The following CLSTN2 variants were observed in gnomAD, a reference collection of about 807,000 sequenced individuals.
CLSTN2 encodes the protein calsyntenin-2.
Under a neutral mutation model 101.2 loss-of-function variants are expected in CLSTN2, and 48 were observed. The ratio of observed to expected loss-of-function variants is 0.47; its 90% confidence interval spans 0.38 to 0.60. The LOEUF is 0.60. CLSTN2 is among the 20% of genes least tolerant of loss of function. The probability of loss-of-function intolerance (pLI) is 0.00; values close to 1 mark genes in which losing one functional copy is unlikely to be tolerated. For missense variants in CLSTN2, 1,160 were observed against 1,238.2 expected (o/e 0.94, Z 0.95); for synonymous variants, 481 against 463.6 (o/e 1.04, Z -0.48).
At chr3:140,367,711 C>T (rs1290756571) in intron 2 of CLSTN2, among the ~76,000 whole-genome samples, 1 of 152,118 alleles carries the variant, frequency 6.6e-6, no homozygotes, top group South Asian at 2.1e-4. Context: ...CACGAGGTCC[C>T]TAATGTTCTT....
At chr3:140,546,728 T>A (rs1378669649) in intron 10 of CLSTN2, 47 bp downstream of exon 10, 38 of 1,516,214 alleles carry the variant, frequency 2.5e-5, no homozygotes, top group Middle Eastern at 2.4e-4. Flanking sequence ...GGATTCATGA[T>A]GCCCAGCCTG....
At chr3:140,382,472 A>G (rs1252133489) in intron 2 of CLSTN2, among the ~76,000 whole-genome samples, 1 of 152,220 alleles carries the variant, frequency 6.6e-6, no homozygotes. Flanking sequence ...GTTAATTTAT[A>G]TTTAAGCAAA....
chr3:140,207,822 G>A (rs546927093), intron 2 of CLSTN2, among the ~76,000 whole-genome samples: 205 of 152,232 alleles, frequency 1.3e-3, no homozygotes, highest in Non-Finnish European at 2.3e-3. Context: ...AGTTAAGAAG[G>A]CACCTGCTTC....
At chr3:140,168,496 C>G (rs56910077) in intron 1 of CLSTN2, among the ~76,000 whole-genome samples, 2,508 of 152,022 alleles carry the variant, frequency 0.016, 72 homozygotes, top group African/African-American at 0.056. Flanking sequence ...AAATAAGAGT[C>G]TATCATTTTT....
chr3:140,564,049 C>G lies in CLSTN2; in HGVS notation c.2571C>G (p.Ile857Met), dbSNP rs766225194. The G allele has an allele frequency of 1.2e-6, 2 of 1,613,960 alleles. No individual in the cohort carries two copies. The highest frequency in any genetic ancestry group is 3.3e-5 in the Admixed American group (2 of 60,004). Reference protein sequence around the residue: ...VVAMGVYRVRIAHQHFIQETE... With the variant: ...VVAMGVYRVRMAHQHFIQETE... ...CCATGGGTGTGTACCGGGTCCGGAT[C>G]GCCCACCAGCACTTCATCCAGGAGA... The change falls in exon 16 of 17, where the codon ATC (isoleucine) becomes ATG (methionine). Residue 857 changes from isoleucine (I) to methionine (M), a missense_variant. Ile to Met is a conservative substitution (Grantham distance 10, BLOSUM62 1). Coordinates refer to ENST00000458420, the MANE Select transcript of CLSTN2 (RefSeq NM_022131.3).
chr3:140,053,262 G>A (rs2008032340), intron 1 of CLSTN2, among the ~76,000 whole-genome samples: 1 of 152,218 alleles, frequency 6.6e-6, no homozygotes, highest in African/African-American at 2.4e-5. Context: ...ATGTGTGTAA[G>A]TGACCTTGGC....
In CLSTN2 at chr3:140,419,482, C is replaced by CAA. The variant is rs1169762724; in HGVS notation, c.638-1631_638-1630dup. Among the ~76,000 whole-genome samples the CAA allele has an allele frequency of 7.0e-4, 14 of 19,952 alleles. 1 individual carries two copies. The highest frequency in any genetic ancestry group is 3.3e-3 in the East Asian group (2 of 610). 13.1% of individuals were successfully genotyped at this position (19,952 alleles called of 152,430 possible). A position where few individuals can be genotyped will look rare whatever the true frequency, so the allele number is the denominator to read the frequency against. On this transcript the variant is annotated intron_variant, in intron 4 of 16. Transcript: ENST00000458420. ...TGGGTGACAGAGCCAGACTCTGTCT[C>CAA]AAAAAAAAAAAAATATATATATATA... is the stretch of plus-strand genomic sequence containing the variant.
intron 2 of CLSTN2, among the ~76,000 whole-genome samples, chr3:140,336,432 A>T (rs946616935): frequency 4.6e-5 from 7 of 152,294 alleles, no homozygotes; most frequent in African/African-American, 1.7e-4. Flanking sequence ...GTTAAGGAGG[A>T]ATCATGAAGG....
At chr3:139,962,450 A>C (rs1321365747) in intron 1 of CLSTN2, among the ~76,000 whole-genome samples, 1 of 152,146 alleles carries the variant, frequency 6.6e-6, no homozygotes, top group Admixed American at 6.5e-5. Context: ...TTCCAACCTC[A>C]TTCTTCACTC....
intron 8 of CLSTN2, among the ~76,000 whole-genome samples, chr3:140,497,835 AATC>A (rs1281045396): frequency 6.6e-6 from 1 of 152,154 alleles, no homozygotes; most frequent in Non-Finnish European, 1.5e-5. Context: ...CTCATGAGGG[AATC>A]TCCTGATCTG....
At chr3:140,466,567 A>C in intron 7 of CLSTN2, 43 bp from the exon 8 acceptor site, 1 of 1,613,274 alleles carries the variant, frequency 6.2e-7, no homozygotes, top group Admixed American at 1.7e-5. Context: ...GGAGGCTGAC[A>C]CAGGGGTTCT....
chr3:140,106,167 CTTCCCTGAGTAACAGA>C (rs756916577), intron 1 of CLSTN2, among the ~76,000 whole-genome samples: 5 of 152,140 alleles, frequency 3.3e-5, no homozygotes, highest in Non-Finnish European at 2.9e-5. Context: ...AGCAGCATAC[CTTCCCTGAGTAACAGA>C]TTCCCTGAGT....
intron 2 of CLSTN2, among the ~76,000 whole-genome samples, chr3:140,221,414 T>G (rs1216921579): frequency 6.6e-6 from 1 of 151,970 alleles, no homozygotes; most frequent in Non-Finnish European, 1.5e-5. Context: ...CATTTTTAAA[T>G]TCTAAAAAAA....
chr3:140,413,513 C>T (rs1250535520), intron 4 of CLSTN2, among the ~76,000 whole-genome samples: 1 of 152,080 alleles, frequency 6.6e-6, no homozygotes. Context: ...ACTTTCAAAA[C>T]ACTGAAGAGG....
intron 2 of CLSTN2, among the ~76,000 whole-genome samples, chr3:140,383,053 T>A: frequency 6.6e-6 from 1 of 152,148 alleles, no homozygotes; most frequent in East Asian, 1.9e-4. Flanking sequence ...CACCAGAAGA[T>A]GATATTTTTT....
At chr3:140,376,230 A>G (rs1159437) in intron 2 of CLSTN2, among the ~76,000 whole-genome samples, 145,653 of 152,256 alleles carry the variant, frequency 0.96, 69,993 homozygotes, top group East Asian at 1. Flanking sequence ...GCAAAAAAGA[A>G]AGGATCAGAG....
At chr3:140,045,883 C>T (rs899721390) in intron 1 of CLSTN2, among the ~76,000 whole-genome samples, 4 of 152,128 alleles carry the variant, frequency 2.6e-5, no homozygotes, top group African/African-American at 9.7e-5. Flanking sequence ...GTCTGAGAGA[C>T]AGTTTGTTAT....
chr3:140,154,471 A>C (rs889388959), intron 1 of CLSTN2, among the ~76,000 whole-genome samples: 4 of 151,992 alleles, frequency 2.6e-5, no homozygotes, highest in Non-Finnish European at 5.9e-5. Flanking sequence ...GTCCATTTTC[A>C]CACTGCTATA....
At chr3:140,462,661 C>T (rs1933590780) in intron 7 of CLSTN2, 3 of 152,192 alleles carry the variant, frequency 2.0e-5, no homozygotes, top group Admixed American at 2.0e-4. Context: ...GTACCACTAA[C>T]ACCACTACTT....
Sources: gnomAD v4.1 joint callset for allele counts (sites outside exome capture counted in the v4.1 genomes callset) on GRCh38, gnomAD v4.1.1 for gene constraint, MANE v1.5 for transcripts, NCBI Gene and HGNC (gene_info 2026-07-23, HGNC 2026-07-21) for gene names.